Variants in IL16 observed in about 807,000 individuals in gnomAD.
IL16 encodes interleukin 16.
IL16 carries 67 observed loss-of-function variants against 110.1 expected under a neutral mutation model. The observed-to-expected ratio is 0.61, with a 90% CI of 0.50 to 0.75. The LOEUF (loss-of-function observed/expected upper bound fraction) is 0.75, where lower values mean the gene tolerates loss of function less well. Ranked by LOEUF, IL16 falls within the 30% of genes least tolerant of loss-of-function variation. The probability of loss-of-function intolerance (pLI) is 0.00; values close to 1 mark genes in which losing one functional copy is unlikely to be tolerated. For synonymous variants in IL16, 689 were observed against 662.9 expected (o/e 1.04, Z -0.61); for missense variants, 1,545 against 1,655.0 (o/e 0.93, Z 1.15).
chr15:81,279,636 C>T lies in IL16; in HGVS notation c.943C>T (p.Pro315Ser), dbSNP rs773455913. The T allele has an allele frequency of 3.1e-6, 5 of 1,614,102 alleles. No individual in the cohort carries two copies. The highest frequency in any genetic ancestry group is 4.2e-6 in the Non-Finnish European group (5 of 1,180,046). Reference sequence around the variant, plus strand: ...TCCTTCCCTGTGCAGCCACCTGTCTCCCCCACTGTGCCGCTCCCTGAGCTC... The same window carrying T: ...TCCTTCCCTGTGCAGCCACCTGTCTTCCCCACTGTGCCGCTCCCTGAGCTC... ...APPSLCSHLS[P>S]PLCRSLSSST... The change falls in exon 8 of 19, where the codon CCC becomes TCC. Residue 315 changes from proline (P) to serine (S), a missense_variant. By Grantham distance (74) the Pro-to-Ser change is moderately conservative. This residue lies in a region of IL16 where 1,185 missense variants were observed against 1,238.8 expected (regional missense o/e 0.96). Transcript: ENST00000683961.
Position 81,303,587 on chromosome 15 carries a change from G to A in IL16, c.3357G>A (p.Glu1119=), listed in dbSNP as rs765371744. ...TCCATGTCACCATCTTACACAAGGA[G>A]GAAGGTGCTGGTCTTGGGTTCAGCT... The part of the protein sequence containing the change: ...DGIHVTILHK[E]EGAGLGFSLA... The change falls in exon 16 of 19, where the codon GAG becomes GAA. Residue 1119 remains glutamate (E), a synonymous_variant. Transcript: ENST00000683961. The surrounding 1 kb of genome is among the most constrained non-coding windows in gnomAD (Gnocchi z 4.1). 1.2e-6 allele frequency: 2 copies of A among 1,614,048 alleles called. No homozygotes were observed. Among genetic ancestry groups the A allele is most frequent in the South Asian group, 1.1e-5 (1 of 91,088 alleles).
rs752791095 is a variant in IL16, at chr15:81,259,758, C to T, written c.313-14C>T. Reference sequence around the variant, plus strand: ...TCTAACTTGCTGAATAAAAAGACGGCAATTGTTTTGCAGGAATCTTCCACA... The same window carrying T: ...TCTAACTTGCTGAATAAAAAGACGGTAATTGTTTTGCAGGAATCTTCCACA... On this transcript the variant is annotated splice_polypyrimidine_tract_variant and intron_variant, in intron 2 of 18. Transcript: ENST00000683961. 5 of 1,582,974 alleles carry T rather than the reference C, an allele frequency of 3.2e-6. No homozygotes were observed. Among genetic ancestry groups the T allele is most frequent in the Non-Finnish European group, 4.3e-6 (5 of 1,152,086 alleles).
intron 11 of IL16, chr15:81,292,061 C>A (rs1206565044): frequency 4.6e-6 from 2 of 436,546 alleles, no homozygotes; most frequent in Non-Finnish European, 4.6e-6. Flanking sequence ...AGCTGAGGTG[C>A]ACACCCAACA....
At position 81,303,572 on chromosome 15, in the gene IL16, C is replaced by T. The variant is rs942808193; in HGVS notation, c.3342C>T (p.Thr1114=). 4 of 1,613,468 alleles carry T rather than the reference C, an allele frequency of 2.5e-6. No homozygotes were observed. In the East Asian group the frequency reaches 6.7e-5, roughly 27 times the overall value. Residue 1114 remains threonine (T), a synonymous_variant, in exon 16 of 19, where the codon ACC becomes ACT. Coordinates refer to ENST00000683961, the MANE Select transcript of IL16 (RefSeq NM_172217.5). The surrounding 1 kb of genome is among the most constrained non-coding windows in gnomAD (Gnocchi z 4.1). ...AGCAATTAGACGGCATCCATGTCAC[C>T]ATCTTACACAAGGAGGAAGGTGCTG... ...TLKQLDGIHV[T]ILHKEEGAGL...
intron 13 of IL16, among the ~76,000 whole-genome samples, chr15:81,297,701 G>A (rs1043124124): frequency 2.0e-5 from 3 of 152,276 alleles, no homozygotes; most frequent in Middle Eastern, 3.4e-3. Context: ...AGCAATGTGT[G>A]GAAGAGCACG....
chr15:81,207,292 A>G (rs981517785), intron 1 of IL16, among the ~76,000 whole-genome samples: 33 of 151,986 alleles, frequency 2.2e-4, no homozygotes, highest in Admixed American at 6.6e-5. Flanking sequence ...AGAAATTTAC[A>G]TCCAATATTT....
chr15:81,208,422 G>C (rs1442728367), intron 1 of IL16, among the ~76,000 whole-genome samples: 1 of 152,156 alleles, frequency 6.6e-6, no homozygotes, highest in Non-Finnish European at 1.5e-5. Flanking sequence ...TGCCTCCCAG[G>C]TTCCAGCGAT....
chr15:81,244,934 C>T (rs1475946755), intron 2 of IL16, among the ~76,000 whole-genome samples: 1 of 152,058 alleles, frequency 6.6e-6, no homozygotes, highest in Non-Finnish European at 1.5e-5. Flanking sequence ...TTGATTCTTT[C>T]CTCTGTCCCC....
At chr15:81,285,243 C>G (rs985449834) in intron 9 of IL16, among the ~76,000 whole-genome samples, 13 of 152,216 alleles carry the variant, frequency 8.5e-5, no homozygotes, top group African/African-American at 3.1e-4. Flanking sequence ...ATGTTAGGTC[C>G]GATATTCAAC....
chr15:81,262,700 G>C (rs1312468204), intron 3 of IL16, among the ~76,000 whole-genome samples: 3 of 152,218 alleles, frequency 2.0e-5, no homozygotes, highest in Non-Finnish European at 4.4e-5. Context: ...GGGAGGCCGA[G>C]GTGGGTGGAT....
chr15:81,276,039 C>G (rs1202564686), intron 6 of IL16, among the ~76,000 whole-genome samples: 1 of 152,196 alleles, frequency 6.6e-6, no homozygotes, highest in African/African-American at 2.4e-5. Context: ...AGTCTAGCCC[C>G]TTAGGTAATT....
intron 12 of IL16, among the ~76,000 whole-genome samples, chr15:81,296,014 C>T (rs192763929): frequency 6.6e-6 from 1 of 152,256 alleles, no homozygotes; most frequent in South Asian, 2.1e-4. Context: ...ATACAGGTGG[C>T]ATCATTTTGA....
intron 1 of IL16, among the ~76,000 whole-genome samples, chr15:81,209,456 G>T (rs1896154168): frequency 1.3e-5 from 2 of 152,138 alleles, no homozygotes; most frequent in African/African-American, 4.8e-5. Context: ...GAGCACAGTG[G>T]AGTCAAGTCT....
At chr15:81,206,096 A>G (rs1896006831) in intron 1 of IL16, among the ~76,000 whole-genome samples, 1 of 152,226 alleles carries the variant, frequency 6.6e-6, no homozygotes, top group African/African-American at 2.4e-5. Flanking sequence ...ATTAGACAAA[A>G]TGTACATAAA....
intron 1 of IL16, among the ~76,000 whole-genome samples, chr15:81,189,983 C>T (rs1895474034): frequency 6.6e-6 from 1 of 152,184 alleles, no homozygotes; most frequent in Admixed American, 6.5e-5. Flanking sequence ...CAAATAACTG[C>T]TTTGCACAGC....
At chr15:81,296,861 G>A (rs576211271) in intron 12 of IL16, 67 bp from the exon 13 acceptor site, 13 of 1,408,234 alleles carry the variant, frequency 9.2e-6, no homozygotes, top group Middle Eastern at 2.5e-4. Context: ...CAATCAAAGC[G>A]TGTCTCGCCT....
chr15:81,285,750 C>T lies in IL16; in HGVS notation c.1252C>T (p.Leu418Phe), dbSNP rs1899417896. 2 of 1,614,132 alleles carry T rather than the reference C, an allele frequency of 1.2e-6. No individual in the cohort carries two copies. Among genetic ancestry groups the T allele is most frequent in the East Asian group, 2.2e-5 (1 of 44,890 alleles). ...TGATTCCCCTGTGCACTGCCTGACG[C>T]TCAATGAAGTCTACACGATCCTGAG... Reference protein sequence around the residue: ...ISDSPVHCLTLNEVYTILSHC... With the variant: ...ISDSPVHCLTFNEVYTILSHC... Residue 418 changes from leucine to phenylalanine, a missense_variant, in exon 10 of 19, where the codon CTC becomes TTC. Leu to Phe is a conservative substitution (Grantham distance 22). This residue lies in a region of IL16 where 1,185 missense variants were observed against 1,238.8 expected (regional missense o/e 0.96). Coordinates refer to ENST00000683961, the MANE Select transcript of IL16 (RefSeq NM_172217.5).
chr15:81,229,558 T>G (rs540829155), intron 2 of IL16, among the ~76,000 whole-genome samples: 1 of 152,210 alleles, frequency 6.6e-6, no homozygotes, highest in East Asian at 1.9e-4. Flanking sequence ...GGAGTACAGG[T>G]GATCCTTAAA....
rs190915285 is a variant in IL16, at chr15:81,310,834, G to C, written c.*2036G>C. The C allele has an allele frequency of 1.3e-5, 2 of 152,378 alleles. No homozygotes were observed. Among genetic ancestry groups the C allele is most frequent in the East Asian group, 3.9e-4 (2 of 5,180 alleles). The allele number at this position is 152,378 out of a possible 1,614,324, so 9.4% of individuals were successfully genotyped here. On this transcript the variant is annotated 3_prime_UTR_variant, in exon 19 of 19. Transcript: ENST00000683961. ...GGCCTGGGGTACCAAGAGACTCCTT[G>C]AGAGACCAGGCAAAGCAAGTGATTG... is the stretch of plus-strand genomic sequence containing the variant.
Sources: allele counts gnomAD v4.1 joint callset (sites outside exome capture counted in the v4.1 genomes callset), GRCh38; gene constraint gnomAD v4.1.1; regional missense constraint gnomAD v4.1.1; non-coding constraint Gnocchi (gnomAD v3.1); transcripts MANE v1.5; gene names NCBI Gene and HGNC (gene_info 2026-07-23, HGNC 2026-07-21).